The following NCAM2 variants were observed in gnomAD, a reference collection of about 807,000 sequenced individuals.
NCAM2 encodes the protein neural cell adhesion molecule 2, also known as N-CAM-2.
A neutral mutation model predicts 98.1 loss-of-function variants in NCAM2; 30 were observed. That is an observed-to-expected ratio of 0.31 (90% confidence interval 0.23 to 0.41). NCAM2 has a LOEUF of 0.41. NCAM2 is among the 10% of genes least tolerant of loss of function. The pLI is 1.00. For synonymous variants in NCAM2, 368 were observed against 342.4 expected (o/e 1.07, Z -0.83); for missense variants, 867 against 1,005.8 (o/e 0.86, Z 1.87).
intron 16 of NCAM2, among the ~76,000 whole-genome samples, chr21:21,517,666 T>A (rs551573105): frequency 2.0e-5 from 3 of 152,240 alleles, no homozygotes; most frequent in South Asian, 4.1e-4. Context: ...AAGACCAGCC[T>A]GGCCAACATA....
At chr21:21,055,855 A>T (rs1200910843) in intron 1 of NCAM2, among the ~76,000 whole-genome samples, 2 of 152,236 alleles carry the variant, frequency 1.3e-5, no homozygotes, top group African/African-American at 4.8e-5. Flanking sequence ...GGAAACATGT[A>T]AATACAATGC....
At position 21,195,274 on chromosome 21, in the gene NCAM2, A is replaced by G. The variant is rs1046667724; in HGVS notation, c.56-85304A>G. Among the ~76,000 whole-genome samples the G allele has an allele frequency of 3.9e-5, 6 of 152,336 alleles. No homozygotes were observed. The East Asian group carries it at 7.7e-4, about 20-fold the overall frequency. On this transcript the variant is annotated intron_variant, in intron 1 of 17. Coordinates refer to ENST00000400546, the MANE Select transcript of NCAM2 (RefSeq NM_004540.5). ...AACCCTCAACTTAGTAACGTAAACT[A>G]TGGAATAAAGGGGAAAAATCTGAAT...
In NCAM2 at chr21:21,310,423, TA is replaced by T. The variant is rs769023564; in HGVS notation, c.620-13959del. ...GAAGGAATCTTCAGAATACTTTGGG[TA>T]GATCAGAGCAATGATTTAAAGAAAG... On this transcript the variant is annotated intron_variant, in intron 5 of 17. Coordinates refer to ENST00000400546, the MANE Select transcript of NCAM2 (RefSeq NM_004540.5). 4.6e-5 allele frequency among the ~76,000 whole-genome samples: 7 copies of T among 152,146 alleles called. No homozygotes were observed. The South Asian group carries it at 1.4e-3, about 31-fold the overall frequency.
In NCAM2 at chr21:21,508,896, G is replaced by T. The variant is rs1393620294; in HGVS notation, c.2123G>T (p.Gly708Val). The change falls in exon 16 of 18, where the codon GGA becomes GTA. Residue 708 changes from glycine (G) to valine (V), a missense_variant. By Grantham distance (109) the Gly-to-Val change is moderately radical (BLOSUM62 -3). Around this residue, in one of 5 missense-constraint regions of NCAM2, gnomAD observed 234 missense variants for 333.8 expected, o/e 0.70. Coordinates refer to ENST00000400546, the MANE Select transcript of NCAM2 (RefSeq NM_004540.5). The stretch of plus-strand genomic sequence containing the variant: ...GGGCTTGGAGCAGTAATTGGCCTGG[G>T]AGTTGCTGCACTGCTGCTAATTCTT... ...GLGLGAVIGL[G>V]VAALLLILVV... The T allele has an allele frequency of 1.2e-6, 2 of 1,600,154 alleles. No individual in the cohort carries two copies. Among genetic ancestry groups the T allele is most frequent in the African/African-American group, 2.8e-5 (2 of 71,234 alleles).
At chr21:21,032,710 A>G (rs1330437151) in intron 1 of NCAM2, among the ~76,000 whole-genome samples, 5 of 152,286 alleles carry the variant, frequency 3.3e-5, no homozygotes, top group Middle Eastern at 3.4e-3. Flanking sequence ...TATTTCAAAT[A>G]CCAATTTACT....
At chr21:21,473,373 A>AATATATATATATATATATATATAT (rs57318222) in intron 14 of NCAM2, among the ~76,000 whole-genome samples, 46 of 140,472 alleles carry the variant, frequency 3.3e-4, no homozygotes, top group African/African-American at 1.1e-3. Flanking sequence ...TATATGTATA[A>AATATATATATATATATATATATAT]ATATATATAT....
rs150756491 is a variant in NCAM2 at position 21,293,070 on chromosome 21, A to T, written c.619+829A>T. Among the ~76,000 whole-genome samples, 5 of 151,986 alleles carry T rather than the reference A, an allele frequency of 3.3e-5. No homozygotes were observed. In the East Asian group the frequency reaches 9.7e-4, roughly 30 times the overall value. ...GAGCATGGGGAAAACCGCCTCCATGATCCAGTCACCTCCCACCAGTTCCTT... is the reference window on the plus strand; with the variant it reads ...GAGCATGGGGAAAACCGCCTCCATGTTCCAGTCACCTCCCACCAGTTCCTT... On this transcript the variant is annotated intron_variant, in intron 5 of 17. Transcript: ENST00000400546.
chr21:21,504,070 A>G (rs1169944755), intron 15 of NCAM2, among the ~76,000 whole-genome samples: 1 of 151,958 alleles, frequency 6.6e-6, no homozygotes, highest in Non-Finnish European at 1.5e-5. Flanking sequence ...TAAGAATAAT[A>G]CATATTTTAA....
chr21:21,155,156 G>A (rs1396093820), intron 1 of NCAM2, among the ~76,000 whole-genome samples: 1 of 150,696 alleles, frequency 6.6e-6, no homozygotes, highest in East Asian at 2.0e-4. Flanking sequence ...GGCTGGGGAG[G>A]AACTATGATG....
chr21:21,294,812 G>GT (rs75992452), intron 5 of NCAM2, among the ~76,000 whole-genome samples: 27,569 of 147,234 alleles, frequency 0.19, 2,563 homozygotes, highest in African/African-American at 0.2. Flanking sequence ...AAATATCGAG[G>GT]TTTTTTTTTT....
chr21:21,189,310 G>A (rs2068743893), intron 1 of NCAM2, among the ~76,000 whole-genome samples: 1 of 152,104 alleles, frequency 6.6e-6, no homozygotes, highest in African/African-American at 2.4e-5. Context: ...ATAAAACTGG[G>A]TCATTTCTTA....
chr21:21,124,865 A>G (rs1453684460), intron 1 of NCAM2, among the ~76,000 whole-genome samples: 1 of 152,154 alleles, frequency 6.6e-6, no homozygotes, highest in Non-Finnish European at 1.5e-5. Flanking sequence ...TAAAACTAGA[A>G]GGCAGGGCTA....
chr21:21,317,381 A>G (rs2074252275), intron 5 of NCAM2, among the ~76,000 whole-genome samples: 1 of 152,176 alleles, frequency 6.6e-6, no homozygotes, highest in African/African-American at 2.4e-5. Flanking sequence ...ACTTACTTAT[A>G]CTTTCCAACA....
chr21:21,466,116 A>T lies in NCAM2; in HGVS notation c.1655-490A>T, dbSNP rs188635832. ...TGATTTGATTTGAAATTGTAGAATA[A>T]ACTATTTTTGCTGTATTTTCAACTT... On this transcript the variant is annotated intron_variant, in intron 12 of 17. Transcript: ENST00000400546. Among the ~76,000 whole-genome samples, 8 of 152,140 alleles carry T rather than the reference A, an allele frequency of 5.3e-5. No homozygotes were observed. The East Asian group carries it at 1.2e-3, about 22-fold the overall frequency.
chr21:21,201,115 C>A (rs2069204171), intron 1 of NCAM2, among the ~76,000 whole-genome samples: 2 of 152,124 alleles, frequency 1.3e-5, no homozygotes, highest in Non-Finnish European at 2.9e-5. Flanking sequence ...GATTACTAAG[C>A]ACATCTCCAA....
intron 1 of NCAM2, among the ~76,000 whole-genome samples, chr21:21,146,041 G>A (rs1354821125): frequency 6.6e-6 from 1 of 152,046 alleles, no homozygotes; most frequent in Non-Finnish European, 1.5e-5. Flanking sequence ...AGAGAAACAC[G>A]TTTTTTGACA....
chr21:21,466,838 C>G lies in NCAM2; in HGVS notation c.1774+113C>G, dbSNP rs1056378921. On this transcript the variant is annotated intron_variant, in intron 13 of 17. Coordinates refer to ENST00000400546, the MANE Select transcript of NCAM2 (RefSeq NM_004540.5). ...AACACTTTTGAGACATGAATTATGTCTTTGGTGAAGTGGTTTCTGAAGACA... is the reference window on the plus strand; with the variant it reads ...AACACTTTTGAGACATGAATTATGTGTTTGGTGAAGTGGTTTCTGAAGACA... The G allele has an allele frequency of 6.7e-5, 76 of 1,126,164 alleles. No homozygotes were observed. In the South Asian group the frequency reaches 7.3e-4, roughly 11 times the overall value. The allele number at this position is 1,126,164 out of a possible 1,614,324, so 69.8% of individuals were successfully genotyped here. A position where few individuals can be genotyped will look rare whatever the true frequency, so the allele number is the denominator to read the frequency against.
At chr21:21,024,561 A>G (rs968049519) in intron 1 of NCAM2, among the ~76,000 whole-genome samples, 4 of 152,174 alleles carry the variant, frequency 2.6e-5, no homozygotes, top group Admixed American at 2.6e-4. Context: ...TGTCCAACTT[A>G]AGTAGAAAAA....
intron 1 of NCAM2, among the ~76,000 whole-genome samples, chr21:21,096,135 G>A (rs1336275057): frequency 1.3e-5 from 2 of 151,518 alleles, no homozygotes; most frequent in East Asian, 1.9e-4. Flanking sequence ...TTAATACTTC[G>A]GATAATGCCA....
Sources: gnomAD v4.1 joint callset for allele counts (sites outside exome capture counted in the v4.1 genomes callset) on GRCh38, gnomAD v4.1.1 for gene constraint, gnomAD v4.1.1 regional missense constraint, MANE v1.5 for transcripts, NCBI Gene and HGNC (gene_info 2026-07-23, HGNC 2026-07-21) for gene names.